Variants in CA4 observed in about 807,000 individuals in gnomAD.
CA4 encodes CA-IV.
A neutral mutation model predicts 34.5 loss-of-function variants in CA4; 24 were observed. The observed-to-expected ratio is 0.70, with a 90% CI of 0.50 to 0.98. CA4 has a LOEUF of 0.98. Ranked by LOEUF, CA4 falls within the 50% of genes least tolerant of loss-of-function variation. The pLI, the probability that CA4 is intolerant of heterozygous loss-of-function variation, is 0.00. For missense variants in CA4, 394 were observed against 396.7 expected (o/e 0.99, Z 0.06); for synonymous variants, 178 against 170.6 (o/e 1.04, Z -0.34).
chr17:60,156,115 C>T (rs542154613), intron 2 of CA4, among the ~76,000 whole-genome samples: 7 of 152,236 alleles, frequency 4.6e-5, no homozygotes, highest in African/African-American at 9.6e-5. Context: ...GCAGCCCCCC[C>T]GGGGGTCCCA....
intron 1 of CA4, among the ~76,000 whole-genome samples, chr17:60,150,543 C>T (rs2083572229): frequency 6.6e-6 from 1 of 151,228 alleles, no homozygotes; most frequent in African/African-American, 2.4e-5. Flanking sequence ...CGTGGTGGCA[C>T]ACGCCTGTAA....
chr17:60,159,143 G>T, intron 7 of CA4, 87 bp from the exon 8 acceptor site: 1 of 1,209,438 alleles, frequency 8.3e-7, no homozygotes, highest in Non-Finnish European at 1.2e-6. Context: ...AGGGCTCCCA[G>T]GACAGGATGA....
At chr17:60,163,775 G>A (rs1034078246), downstream of CA4, among the ~76,000 whole-genome samples, 1 of 152,184 alleles carries the variant, frequency 6.6e-6, no homozygotes, top group Non-Finnish European at 1.5e-5. Context: ...AGAGGGCAGC[G>A]GAGCAGGACA....
intron 5 of CA4, among the ~76,000 whole-genome samples, chr17:60,165,738 C>T (rs73320951): frequency 0.014 from 2,180 of 152,160 alleles, 57 homozygotes; most frequent in African/African-American, 0.05. Flanking sequence ...TGCCCCTGTC[C>T]CCACCCTTGG....
rs1193907246 is a variant in CA4 at position 60,170,013 on chromosome 17, G to A, written c.*179-538G>A. On this transcript the variant is annotated intron_variant and NMD_transcript_variant, in intron 5 of 5. Coordinates refer to the CA4 transcript ENST00000586876. ...ATCCCAGGGGAAAAAACAATGGGCTGCTCTGGAACGCTGCAGAGTCAGGGT... is the reference window on the plus strand; with the variant it reads ...ATCCCAGGGGAAAAAACAATGGGCTACTCTGGAACGCTGCAGAGTCAGGGT... 5.3e-5 allele frequency among the ~76,000 whole-genome samples: 8 copies of A among 152,352 alleles called. No homozygotes were observed. In the East Asian group the frequency reaches 1.3e-3, roughly 26 times the overall value.
chr17:60,159,201 C>T (rs768900579), intron 7 of CA4, 29 bp from the exon 8 acceptor site: 25 of 1,571,370 alleles, frequency 1.6e-5, no homozygotes, highest in South Asian at 2.3e-5. Context: ...CCCCCTGCCC[C>T]GACCTGCTGA....
At chr17:60,153,364 G>A (rs927189003) in intron 1 of CA4, among the ~76,000 whole-genome samples, 2 of 152,080 alleles carry the variant, frequency 1.3e-5, no homozygotes, top group Non-Finnish European at 2.9e-5. Flanking sequence ...TCAATTCTTG[G>A]ATAATGTAGT....
Position 60,156,631 on chromosome 17 carries a change from A to G in CA4, c.184A>G (p.Lys62Glu). Reference protein sequence around the residue: ...SPINIVTTKAKVDKKLGRFFF... With the variant: ...SPINIVTTKAEVDKKLGRFFF... ...CATCAACATCGTCACCACCAAGGCA[A>G]AGGTGGACAAAAAACTGGGACGCTT... The change falls in exon 3 of 8, where the codon AAG (lysine) becomes GAG (glutamate). Residue 62 changes from lysine (K) to glutamate (E), a missense_variant. Transcript: ENST00000300900. 3.7e-6 allele frequency: 6 copies of G among 1,613,914 alleles called. No homozygotes were observed. The highest frequency in any genetic ancestry group is 5.1e-6 in the Non-Finnish European group (6 of 1,179,744).
chr17:60,151,383 C>T (rs545187565), intron 1 of CA4: 2 of 152,380 alleles, frequency 1.3e-5, no homozygotes, highest in South Asian at 4.1e-4. Context: ...TGCAGCCTCT[C>T]CACCGGGCCC....
intron 5 of CA4, among the ~76,000 whole-genome samples, chr17:60,164,610 C>T (rs1337894125): frequency 5.3e-5 from 8 of 152,038 alleles, no homozygotes; most frequent in African/African-American, 1.2e-4. Context: ...AAGCTGGTCT[C>T]GAACTCCTGA....
rs1322262806 is a variant in CA4, at chr17:60,156,571, TG to T, written c.128del (p.Gly43ValfsTer48). 1 of 1,614,076 alleles carries T rather than the reference TG, an allele frequency of 6.2e-7. No individual in the cohort carries two copies. The highest frequency in any genetic ancestry group is 8.5e-7 in the Non-Finnish European group (1 of 1,180,020). The stretch of plus-strand genomic sequence containing the variant: ...CTCTCCCTGCTCAGTGCCAGTCAAG[TG>T]GGGTGGAAACTGCCAGAAGGACCGC... ...SNYPCLVPVK[W>X]GGNCQKDRQS... On this transcript the variant is annotated frameshift_variant, in exon 3 of 8. Transcript: ENST00000300900. LOFTEE classifies it high-confidence loss of function.
At chr17:60,175,911 G>A in the CA4 span, among the ~76,000 whole-genome samples, 2 of 151,114 alleles carry the variant, frequency 1.3e-5, no homozygotes, top group South Asian at 4.2e-4. Context: ...CTGCCTCCCG[G>A]GTTCAAGCAA....
downstream of CA4, among the ~76,000 whole-genome samples, chr17:60,162,631 G>C (rs2083805773): frequency 6.6e-6 from 1 of 151,906 alleles, no homozygotes; most frequent in East Asian, 1.9e-4. Flanking sequence ...CCTGGGGAAG[G>C]CTCACAGGCT....
intron 5 of CA4, among the ~76,000 whole-genome samples, chr17:60,166,703 C>T (rs2083858851): frequency 2.2e-5 from 2 of 92,620 alleles, no homozygotes; most frequent in South Asian, 8.9e-4. Context: ...TGCCTGTAAT[C>T]CCAGCACTTT....
downstream of CA4, among the ~76,000 whole-genome samples, chr17:60,174,180 G>A (rs535837184): frequency 8.6e-5 from 13 of 151,826 alleles, no homozygotes; most frequent in Non-Finnish European, 1.8e-4. Flanking sequence ...GAAAACTTTC[G>A]TTTACAGCTG....
At chr17:60,159,862 G>C (rs577494987), downstream of CA4, among the ~76,000 whole-genome samples, 1 of 152,174 alleles carries the variant, frequency 6.6e-6, no homozygotes, top group Non-Finnish European at 1.5e-5. Context: ...GGTTGGGGCC[G>C]GGCATAGTGA....
chr17:60,165,696 G>T (rs539137684), intron 5 of CA4, among the ~76,000 whole-genome samples: 139 of 152,136 alleles, frequency 9.1e-4, no homozygotes, highest in African/African-American at 3.2e-3. Context: ...GTGTAGAGTT[G>T]CTGCAGGCTC....
intron 1 of CA4, among the ~76,000 whole-genome samples, chr17:60,150,367 A>G (rs1209925166): frequency 6.6e-6 from 1 of 152,112 alleles, no homozygotes; most frequent in African/African-American, 2.4e-5. Context: ...ACGAGTTGGG[A>G]GTCCCTGATA....
Position 60,159,299 on chromosome 17 carries a change from C to T in CA4, c.814C>T (p.Pro272Ser), listed in dbSNP as rs764055659. Residue 272 changes from proline (P) to serine (S), a missense_variant, in exon 8 of 8, where the codon CCC becomes TCC. Transcript: ENST00000300900. ...QTVSMKDNVRPLQQLGQRTVI... is the reference protein window; with the variant it reads ...QTVSMKDNVRSLQQLGQRTVI... ...AGTGAGCATGAAGGACAATGTCAGG[C>T]CCCTGCAGCAGCTGGGGCAGCGCAC... 6.2e-7 allele frequency: 1 copy of T among 1,610,220 alleles called. No homozygotes were observed. Among genetic ancestry groups the T allele is most frequent in the East Asian group, 2.2e-5 (1 of 44,674 alleles).
Sources: allele counts gnomAD v4.1 joint callset (sites outside exome capture counted in the v4.1 genomes callset), GRCh38; gene constraint gnomAD v4.1.1; transcripts MANE v1.5; gene names NCBI Gene and HGNC (gene_info 2026-07-23, HGNC 2026-07-21).